Variants in MMD observed in about 807,000 individuals in gnomAD.
The protein encoded by MMD is monocyte to macrophage differentiation associated, also known as monocyte to macrophage differentiation factor.
Under a neutral mutation model 33.6 loss-of-function variants are expected in MMD, and 22 were observed. The observed-to-expected ratio is 0.66, with a 90% confidence interval of 0.47 to 0.94. The LOEUF (loss-of-function observed/expected upper bound fraction) is 0.94. Ranked by LOEUF, MMD falls within the 40% of genes least tolerant of loss-of-function variation. The probability of loss-of-function intolerance (pLI) is 0.00; values close to 1 mark genes in which losing one functional copy is unlikely to be tolerated. For missense variants in MMD, 242 were observed against 309.8 expected (o/e 0.78, Z 1.64); for synonymous variants, 97 against 103.2 (o/e 0.94, Z 0.36).
intron 6 of MMD, 97 bp from the exon 7 acceptor site, chr17:55,394,631 G>T: frequency 1.9e-6 from 2 of 1,028,438 alleles, no homozygotes; most frequent in Non-Finnish European, 2.6e-6. Flanking sequence ...TGATTTTCTA[G>T]ACAATGAAGA....
intron 1 of MMD, among the ~76,000 whole-genome samples, chr17:55,416,521 C>G (rs376862270): frequency 6.6e-6 from 1 of 152,314 alleles, no homozygotes; most frequent in South Asian, 2.1e-4. Flanking sequence ...TTCTCTAAAT[C>G]TGGGGCTCAG....
At chr17:55,411,561 C>T in intron 2 of MMD, 144 bp from the exon 3 acceptor site, 4 of 1,070,086 alleles carry the variant, frequency 3.7e-6, no homozygotes, top group East Asian at 2.6e-5. Flanking sequence ...ATAATCATAA[C>T]GAGAGCCAGA....
At position 55,394,409 on chromosome 17, in the gene MMD, C is replaced by T. The variant is rs569360059; in HGVS notation, c.642G>A (p.Thr214=). The change falls in exon 7 of 7, where the codon ACG becomes ACA. Residue 214 remains threonine, a synonymous_variant. Transcript: ENST00000262065. The part of the protein sequence containing the change: ...AHAIWHLFVA[T]AAAVHYYAIW... ...TGGCGTAGTAATGCACTGCAGCTGC[C>T]GTGGCCACAAACAGGTGCCAGATGG... is the stretch of plus-strand genomic sequence containing the variant. The T allele has an allele frequency of 1.5e-5, 22 of 1,503,216 alleles. No homozygotes were observed. In the South Asian group the frequency reaches 1.5e-4, roughly 10 times the overall value. The allele number at this position is 1,503,216 out of a possible 1,614,324, so 93.1% of individuals were successfully genotyped here.
At chr17:55,396,966 T>C (rs1907125520) in intron 6 of MMD, among the ~76,000 whole-genome samples, 1 of 152,200 alleles carries the variant, frequency 6.6e-6, no homozygotes, top group South Asian at 2.1e-4. Context: ...CATCACAATG[T>C]ACCTTTATTA....
chr17:55,419,794 G>C (rs1384715872), intron 1 of MMD, among the ~76,000 whole-genome samples: 2 of 152,170 alleles, frequency 1.3e-5, no homozygotes, highest in African/African-American at 4.8e-5. Context: ...GGTAGATCTA[G>C]ATGTCATCAA....
At chr17:55,403,366 C>T (rs1907420000) in intron 5 of MMD, among the ~76,000 whole-genome samples, 1 of 152,152 alleles carries the variant, frequency 6.6e-6, no homozygotes, top group African/African-American at 2.4e-5. Flanking sequence ...ACCCTCTAGG[C>T]CCTTATTTAG....
rs1907001686 is a variant in MMD at position 55,393,737 on chromosome 17, T to C, written c.*597A>G. The C allele has an allele frequency of 6.6e-6, 1 of 152,640 alleles. No homozygotes were observed. Among genetic ancestry groups the C allele is most frequent in the Non-Finnish European group, 1.5e-5 (1 of 68,048 alleles). 9.5% of individuals were successfully genotyped at this position (152,640 alleles called of 1,614,324 possible). On this transcript the variant is annotated 3_prime_UTR_variant, in exon 7 of 7. Coordinates refer to ENST00000262065, the MANE Select transcript of MMD (RefSeq NM_012329.3). ...AATAAAACTATCAGAAGAGGTATAATGTTTGTTCGTTTGTGGAATGTTGAC... is the reference window on the plus strand; with the variant it reads ...AATAAAACTATCAGAAGAGGTATAACGTTTGTTCGTTTGTGGAATGTTGAC...
chr17:55,416,319 A>C (rs1340356450), intron 1 of MMD, among the ~76,000 whole-genome samples: 1 of 152,194 alleles, frequency 6.6e-6, no homozygotes, highest in Non-Finnish European at 1.5e-5. Flanking sequence ...TTCTCCTAAA[A>C]ACAAATAAAC....
intron 4 of MMD, 50 bp downstream of exon 4, chr17:55,407,696 A>C: frequency 6.6e-7 from 1 of 1,526,092 alleles, no homozygotes; most frequent in Non-Finnish European, 9.0e-7. Context: ...GGAGTGAGGA[A>C]TTCTAATCAT....
chr17:55,398,713 G>A (rs1907216177), intron 6 of MMD, among the ~76,000 whole-genome samples: 1 of 151,998 alleles, frequency 6.6e-6, no homozygotes, highest in Non-Finnish European at 1.5e-5. Context: ...GGTTTGTCTG[G>A]GCCTTGTTAT....
chr17:55,411,422 G>A lies in MMD; in HGVS notation c.109-5C>T, dbSNP rs1330506238. On this transcript the variant is annotated splice_region_variant and splice_polypyrimidine_tract_variant and intron_variant, in intron 2 of 6. Transcript: ENST00000262065. The stretch of plus-strand genomic sequence containing the variant: ...GATGGCCGGAACAATGAGGAACTGA[G>A]GGAAAGATAAAGAATGGTGAATGGA... 1 of 1,607,388 alleles carries A rather than the reference G, an allele frequency of 6.2e-7. No individual in the cohort carries two copies.
intron 6 of MMD, among the ~76,000 whole-genome samples, chr17:55,400,871 C>G (rs1407382064): frequency 6.6e-6 from 1 of 151,834 alleles, no homozygotes; most frequent in African/African-American, 2.4e-5. Flanking sequence ...GGTAATGTTA[C>G]ACTTTACCCA....
At position 55,406,022 on chromosome 17, in the gene MMD, A is replaced by G. The variant is rs72836836; in HGVS notation, c.344+1724T>C. ...ACTAGGTATTTTAAATGGTTCTCTT[A>G]CTCAGCAAAAGAAATGATAAACACA... On this transcript the variant is annotated intron_variant, in intron 4 of 6. Transcript: ENST00000262065. Among the ~76,000 whole-genome samples the G allele has an allele frequency of 1.7e-3, 253 of 152,352 alleles. 1 individual carries two copies. The highest frequency in any genetic ancestry group is 3.7e-3 in the Admixed American group (56 of 15,302).
chr17:55,398,470 G>T (rs1050448804), intron 6 of MMD, among the ~76,000 whole-genome samples: 1 of 151,640 alleles, frequency 6.6e-6, no homozygotes, highest in African/African-American at 2.4e-5. Flanking sequence ...TGTGTCTATT[G>T]ATCTGTTTTC....
intron 4 of MMD, among the ~76,000 whole-genome samples, 183 bp from the exon 5 acceptor site, chr17:55,404,051 C>A (rs1415787311): frequency 6.6e-6 from 1 of 152,108 alleles, no homozygotes; most frequent in Non-Finnish European, 1.5e-5. Flanking sequence ...ATTTGTCAGT[C>A]GACCTTTAAG....
intron 4 of MMD, among the ~76,000 whole-genome samples, chr17:55,405,894 T>C (rs1907524527): frequency 6.6e-6 from 1 of 152,244 alleles, no homozygotes; most frequent in Admixed American, 6.5e-5. Context: ...TTATGTCTTG[T>C]AGAAGAAAGC....
chr17:55,407,912 G>T (rs1178523205), intron 3 of MMD, 92 bp from the exon 4 acceptor site: 3 of 859,942 alleles, frequency 3.5e-6, no homozygotes, highest in Non-Finnish European at 5.2e-6. Context: ...TTCCATTCTT[G>T]TTCTAGTTCT....
chr17:55,406,246 C>T (rs1012780173), intron 4 of MMD, among the ~76,000 whole-genome samples: 3 of 152,024 alleles, frequency 2.0e-5, no homozygotes, highest in Non-Finnish European at 4.4e-5. Flanking sequence ...AATAGAAAAA[C>T]TAGCCAGGCA....
At chr17:55,407,672 G>C (rs1907608208) in intron 4 of MMD, 74 bp downstream of exon 4, 1 of 1,376,468 alleles carries the variant, frequency 7.3e-7, no homozygotes, top group Admixed American at 1.9e-5. Flanking sequence ...GGACAAGAGG[G>C]AGAAAGGAAA....
Sources: allele counts gnomAD v4.1 joint callset (sites outside exome capture counted in the v4.1 genomes callset), GRCh38; gene constraint gnomAD v4.1.1; transcripts MANE v1.5; gene names NCBI Gene and HGNC (gene_info 2026-07-23, HGNC 2026-07-21).